The following GLG1 variants were observed in gnomAD, a reference collection of about 807,000 sequenced individuals.
The protein encoded by GLG1 is Golgi apparatus protein 1.
In GLG1, 38 loss-of-function variants were observed where a neutral mutation model predicts 160.5. That is an observed-to-expected ratio of 0.24 (90% confidence interval 0.18 to 0.31). The LOEUF is 0.31. GLG1 is among the 10% of genes least tolerant of loss of function. GLG1 has a pLI of 1.00. For synonymous variants in GLG1, 644 were observed against 543.4 expected (o/e 1.19, Z -2.57); for missense variants, 1,373 against 1,505.2 (o/e 0.91, Z 1.45).
At chr16:74,490,358 A>T (rs1330787470) in intron 8 of GLG1, among the ~76,000 whole-genome samples, 2 of 152,234 alleles carry the variant, frequency 1.3e-5, no homozygotes, top group Non-Finnish European at 2.9e-5. Context: ...GACTCCCACC[A>T]TGGCACACGT....
intron 1 of GLG1, among the ~76,000 whole-genome samples, chr16:74,597,790 C>G (rs1428666284): frequency 3.4e-5 from 5 of 148,656 alleles, no homozygotes; most frequent in South Asian, 2.1e-4. Flanking sequence ...GGAGGTGGAG[C>G]TTGCAGTGAG....
chr16:74,518,966 C>T (rs2017069859), intron 2 of GLG1, among the ~76,000 whole-genome samples: 1 of 152,030 alleles, frequency 6.6e-6, no homozygotes, highest in Non-Finnish European at 1.5e-5. Flanking sequence ...ACCATTTGAC[C>T]CAGCAATCCC....
chr16:74,452,415 C>A lies in GLG1; in HGVS notation c.*752G>T. On this transcript the variant is annotated 3_prime_UTR_variant, in exon 26 of 26. Coordinates refer to ENST00000422840, the MANE Select transcript of GLG1 (RefSeq NM_001145667.2). ...AACTTCACAAACTTCCGGTCCCTTC[C>A]CCTCCCCAGCTGCCCTTGTCTAGGA... 1 of 1,179,296 alleles carries A rather than the reference C, an allele frequency of 8.5e-7. No homozygotes were observed. The highest frequency in any genetic ancestry group is 1.1e-6 in the Non-Finnish European group (1 of 944,714). 73.1% of individuals were successfully genotyped at this position (1,179,296 alleles called of 1,614,324 possible). A position where few individuals can be genotyped will look rare whatever the true frequency, so the allele number is the denominator to read the frequency against.
At chr16:74,592,288 A>T (rs184794666) in intron 1 of GLG1, among the ~76,000 whole-genome samples, 1 of 152,280 alleles carries the variant, frequency 6.6e-6, no homozygotes, top group East Asian at 1.9e-4. Context: ...GATTATAGGC[A>T]CATGCCACCA....
chr16:74,466,043 T>C (rs2014988330), intron 18 of GLG1, among the ~76,000 whole-genome samples: 1 of 152,198 alleles, frequency 6.6e-6, no homozygotes, highest in Non-Finnish European at 1.5e-5. Flanking sequence ...TGCTCCAGCC[T>C]AATGGAAAAG....
At chr16:74,585,029 A>G (rs1958016106) in intron 1 of GLG1, among the ~76,000 whole-genome samples, 1 of 152,214 alleles carries the variant, frequency 6.6e-6, no homozygotes, top group Non-Finnish European at 1.5e-5. Flanking sequence ...TCATGTAACC[A>G]AACACCACAT....
At position 74,485,754 on chromosome 16, in the gene GLG1, T is replaced by C. The variant is rs928121278; in HGVS notation, c.1571+42A>G. The C allele has an allele frequency of 6.4e-6, 10 of 1,572,080 alleles. No individual in the cohort carries two copies. In the Admixed American group the frequency reaches 1.7e-4, roughly 26 times the overall value. ...AAGGAATGTTCCCTGTGCTGCCAAA[T>C]GAAATACAATATGGATAAATACCAT... On this transcript the variant is annotated intron_variant, in intron 9 of 25. Coordinates refer to ENST00000422840, the MANE Select transcript of GLG1 (RefSeq NM_001145667.2).
At chr16:74,532,665 A>T (rs1182637759) in intron 1 of GLG1, among the ~76,000 whole-genome samples, 3 of 151,900 alleles carry the variant, frequency 2.0e-5, no homozygotes, top group African/African-American at 7.3e-5. Context: ...CTGGGACTAC[A>T]GGCGCAATGT....
At chr16:74,469,957 T>C in intron 16 of GLG1, 28 bp downstream of exon 16, 2 of 1,370,014 alleles carry the variant, frequency 1.5e-6, no homozygotes, top group Non-Finnish European at 2.1e-6. Flanking sequence ...TTCGGGAAAG[T>C]GGAATGAAAC....
At chr16:74,463,836 A>T in intron 19 of GLG1, 1 of 219,306 alleles carries the variant, frequency 4.6e-6, no homozygotes, top group Non-Finnish European at 9.1e-6. Flanking sequence ...GGGCTTCCCA[A>T]AGTGCTGGGA....
chr16:74,491,691 T>G (rs1213332798), intron 7 of GLG1, among the ~76,000 whole-genome samples: 1 of 12,544 alleles, frequency 8.0e-5, no homozygotes, highest in Non-Finnish European at 3.0e-4. Context: ...CAGGCTGGAG[T>G]GCAGCGCGCG....
chr16:74,486,601 T>C (rs1183590011), intron 8 of GLG1, among the ~76,000 whole-genome samples: 1 of 152,212 alleles, frequency 6.6e-6, no homozygotes, highest in Non-Finnish European at 1.5e-5. Flanking sequence ...CATCTTGTCA[T>C]GGAACAAAGG....
Position 74,449,850 on chromosome 16 carries a change from T to G in GLG1, c.*3317A>C, listed in dbSNP as rs1180760179. ...TGGCTCCCCTGCCGGTGCTTCTTGCTAACGGGCTTGTCTAGGGACAACAGC... is the reference window on the plus strand; with the variant it reads ...TGGCTCCCCTGCCGGTGCTTCTTGCGAACGGGCTTGTCTAGGGACAACAGC... On this transcript the variant is annotated 3_prime_UTR_variant, in exon 26 of 26. Coordinates refer to ENST00000422840, the MANE Select transcript of GLG1 (RefSeq NM_001145667.2). The G allele has an allele frequency of 6.6e-6, 1 of 152,258 alleles. No individual in the cohort carries two copies. The highest frequency in any genetic ancestry group is 1.5e-5 in the Non-Finnish European group (1 of 68,064). 9.4% of individuals were successfully genotyped at this position (152,258 alleles called of 1,614,324 possible). A position where few individuals can be genotyped will look rare whatever the true frequency, so the allele number is the denominator to read the frequency against.
At chr16:74,556,349 T>C (rs1482896885) in intron 1 of GLG1, among the ~76,000 whole-genome samples, 1 of 152,220 alleles carries the variant, frequency 6.6e-6, no homozygotes, top group East Asian at 1.9e-4. Flanking sequence ...AATACTTTAC[T>C]AGAAAATTTA....
chr16:74,604,241 C>T (rs1958511550), intron 1 of GLG1, among the ~76,000 whole-genome samples: 1 of 152,082 alleles, frequency 6.6e-6, no homozygotes, highest in Non-Finnish European at 1.5e-5. Flanking sequence ...TTCCAAAAAG[C>T]AAAAGTTAAG....
At chr16:74,602,610 T>C (rs966308376) in intron 1 of GLG1, among the ~76,000 whole-genome samples, 2 of 151,838 alleles carry the variant, frequency 1.3e-5, no homozygotes, top group African/African-American at 2.4e-5. Flanking sequence ...AGTGAAACCC[T>C]GTCTCTACTA....
intron 23 of GLG1, chr16:74,458,297 T>C (rs1453693088): frequency 8.4e-6 from 2 of 238,796 alleles, no homozygotes; most frequent in Non-Finnish European, 1.6e-5. Context: ...TTAAAATACC[T>C]AAACGTTAAT....
rs755548109 is a variant in GLG1 at position 74,503,511 on chromosome 16, G to C, written c.774+20C>G. ...CAAATTTTAAGACCCCTTTGTTGAA[G>C]CTAACGTAGTATTAGATACCTTTTC... On this transcript the variant is annotated intron_variant, in intron 4 of 25. Coordinates refer to ENST00000422840, the MANE Select transcript of GLG1 (RefSeq NM_001145667.2). The C allele has an allele frequency of 1.3e-6, 2 of 1,501,252 alleles. No homozygotes were observed. Among genetic ancestry groups the C allele is most frequent in the African/African-American group, 2.8e-5 (2 of 72,646 alleles). 93.0% of individuals were successfully genotyped at this position (1,501,252 alleles called of 1,614,324 possible).
At chr16:74,483,228 T>C (rs1455656752) in intron 9 of GLG1, 104 bp from the exon 10 acceptor site, 3 of 698,326 alleles carry the variant, frequency 4.3e-6, no homozygotes, top group South Asian at 3.3e-5. Flanking sequence ...AGTTATTTTC[T>C]TAGGGCAATC....
Sources: gnomAD v4.1 joint callset for allele counts (sites outside exome capture counted in the v4.1 genomes callset) on GRCh38, gnomAD v4.1.1 for gene constraint, MANE v1.5 for transcripts, NCBI Gene and HGNC (gene_info 2026-07-23, HGNC 2026-07-21) for gene names.